The following PEX5L variants were observed in gnomAD, a reference collection of about 807,000 sequenced individuals.
The protein encoded by PEX5L is peroxisomal biogenesis factor 5 like.
Under a neutral mutation model 84.0 loss-of-function variants are expected in PEX5L, and 30 were observed. The ratio of observed to expected loss-of-function variants is 0.36; its 90% CI spans 0.27 to 0.48. The LOEUF (loss-of-function observed/expected upper bound fraction) is 0.48, where lower values mean the gene tolerates loss of function less well. PEX5L is among the 20% of genes least tolerant of loss of function. The probability of loss-of-function intolerance (pLI) is 0.99; values close to 1 mark genes in which losing one functional copy is unlikely to be tolerated. For missense variants in PEX5L, 533 were observed against 754.6 expected (o/e 0.71, Z 3.44); for synonymous variants, 270 against 283.1 (o/e 0.95, Z 0.46).
intron 10 of PEX5L, among the ~76,000 whole-genome samples, chr3:179,813,664 A>ATTTT (rs35351586): frequency 6.2e-5 from 6 of 96,414 alleles, no homozygotes; most frequent in African/African-American, 2.6e-4. Flanking sequence ...CACTCAACTA[A>ATTTT]TTTTTTTTTT....
intron 4 of PEX5L, among the ~76,000 whole-genome samples, chr3:179,885,560 C>T (rs113631614): frequency 0.026 from 3,883 of 151,690 alleles, 174 homozygotes; most frequent in African/African-American, 0.089. Flanking sequence ...GCAAGAAAAT[C>T]GCTTGAACCC....
At chr3:179,925,533 A>C (rs1771189496) in intron 2 of PEX5L, among the ~76,000 whole-genome samples, 1 of 152,190 alleles carries the variant, frequency 6.6e-6, no homozygotes, top group African/African-American at 2.4e-5. Context: ...TGCATAAAGA[A>C]TTTATTTTTG....
At chr3:179,885,822 G>A (rs1755679581) in intron 4 of PEX5L, among the ~76,000 whole-genome samples, 1 of 152,166 alleles carries the variant, frequency 6.6e-6, no homozygotes, top group Non-Finnish European at 1.5e-5. Flanking sequence ...GCACGTTCAT[G>A]GGGTGCATGG....
intron 2 of PEX5L, among the ~76,000 whole-genome samples, chr3:179,947,710 C>CTTT (rs34097310): frequency 0.54 from 75,117 of 139,026 alleles, 21,011 homozygotes; most frequent in East Asian, 0.68. Flanking sequence ...AAAAAAGTTA[C>CTTT]TTTTTTTTTT....
chr3:179,816,833 A>G (rs1726307644), intron 9 of PEX5L, among the ~76,000 whole-genome samples: 1 of 151,774 alleles, frequency 6.6e-6, no homozygotes, highest in Non-Finnish European at 1.5e-5. Flanking sequence ...GTACATTTTC[A>G]TTGTATAAAG....
chr3:179,869,420 C>T lies in PEX5L; in HGVS notation c.726+4907G>A, dbSNP rs9861977. Among the ~76,000 whole-genome samples, 1,271 of 152,266 alleles carry T rather than the reference C, an allele frequency of 8.3e-3. 19 individuals carry two copies. The highest frequency in any genetic ancestry group is 0.029 in the African/African-American group (1,216 of 41,526). ...ACAACTCCAGGGAATATTAGTTACA[C>T]AGTTTGGGTAAGTGTCAAGAAACTT... On this transcript the variant is annotated intron_variant, in intron 7 of 14. Transcript: ENST00000467460.
At chr3:179,982,626 C>A (rs1389550618) in intron 1 of PEX5L, among the ~76,000 whole-genome samples, 3 of 152,132 alleles carry the variant, frequency 2.0e-5, no homozygotes, top group African/African-American at 7.2e-5. Flanking sequence ...TTTGATGACT[C>A]TTCTTGCAAT....
intron 2 of PEX5L, among the ~76,000 whole-genome samples, chr3:179,912,261 C>G (rs1321417169): frequency 6.6e-6 from 1 of 152,048 alleles, no homozygotes; most frequent in African/African-American, 2.4e-5. Flanking sequence ...TCCCCACTAA[C>G]CCCTACATTT....
intron 2 of PEX5L, among the ~76,000 whole-genome samples, chr3:179,939,988 C>T (rs956802547): frequency 4.6e-5 from 7 of 152,178 alleles, no homozygotes; most frequent in East Asian, 1.9e-4. Context: ...TCCATGAGCA[C>T]ATCCTAGAAA....
chr3:179,967,845 G>T (rs1783742012), intron 2 of PEX5L, among the ~76,000 whole-genome samples: 1 of 152,160 alleles, frequency 6.6e-6, no homozygotes. Flanking sequence ...AAATTGTCAG[G>T]CTGCACGCAT....
chr3:179,977,871 T>A (rs567937156), intron 1 of PEX5L, among the ~76,000 whole-genome samples: 2 of 152,122 alleles, frequency 1.3e-5, no homozygotes, highest in Non-Finnish European at 2.9e-5. Context: ...CATGGGCTTT[T>A]CCCCCCTCTC....
At chr3:179,929,952 A>G (rs977720286) in intron 2 of PEX5L, among the ~76,000 whole-genome samples, 5 of 152,108 alleles carry the variant, frequency 3.3e-5, no homozygotes, top group Admixed American at 3.3e-4. Context: ...CACACTCCCA[A>G]TTTTGAAAAC....
intron 2 of PEX5L, among the ~76,000 whole-genome samples, chr3:179,967,585 C>G (rs1022459381): frequency 1.3e-5 from 2 of 152,064 alleles, no homozygotes; most frequent in African/African-American, 2.4e-5. Flanking sequence ...GACTGCAAAC[C>G]TGGTTCTTTA....
intron 1 of PEX5L, among the ~76,000 whole-genome samples, chr3:179,994,467 G>A (rs1352172643): frequency 6.6e-6 from 1 of 151,964 alleles, no homozygotes; most frequent in Non-Finnish European, 1.5e-5. Context: ...TCCTCCTCCT[G>A]GGCTATCTTT....
At chr3:179,811,990 G>T in intron 10 of PEX5L, 119 bp from the exon 11 acceptor site, 1 of 770,470 alleles carries the variant, frequency 1.3e-6, no homozygotes, top group South Asian at 1.5e-5. Context: ...ATATGTGAGC[G>T]CTATATAAAA....
chr3:179,969,965 A>G (rs1482188458), intron 2 of PEX5L, among the ~76,000 whole-genome samples: 1 of 152,094 alleles, frequency 6.6e-6, no homozygotes, highest in Non-Finnish European at 1.5e-5. Flanking sequence ...AACAATAGAA[A>G]TTTTGTCAAA....
chr3:179,971,933 T>C (rs943820398), intron 1 of PEX5L, among the ~76,000 whole-genome samples: 74 of 152,178 alleles, frequency 4.9e-4, no homozygotes, highest in Non-Finnish European at 4.3e-4. Context: ...CTCTTTTTAG[T>C]TCTATAGTAT....
chr3:179,992,429 C>G (rs947326298), intron 1 of PEX5L, among the ~76,000 whole-genome samples: 13 of 152,116 alleles, frequency 8.5e-5, no homozygotes, highest in Non-Finnish European at 1.8e-4. Flanking sequence ...TTTATTTTAT[C>G]AGGATTAAAA....
intron 14 of PEX5L, among the ~76,000 whole-genome samples, chr3:179,806,684 C>A (rs186905983): frequency 6.6e-6 from 1 of 152,264 alleles, no homozygotes; most frequent in East Asian, 1.9e-4. Context: ...ATAATAAATG[C>A]CTGCTAGGCA....
Sources: allele counts gnomAD v4.1 joint callset (sites outside exome capture counted in the v4.1 genomes callset), GRCh38; gene constraint gnomAD v4.1.1; transcripts MANE v1.5; gene names NCBI Gene and HGNC (gene_info 2026-07-23, HGNC 2026-07-21).